ASB3: variants seen among roughly 807,000 people sequenced by gnomAD.
ASB3 encodes ankyrin repeat and SOCS box containing 3.
Under a neutral mutation model 54.5 loss-of-function variants are expected in ASB3, and 41 were observed. That is an observed-to-expected ratio of 0.75 (90% CI 0.59 to 0.98). ASB3 has a LOEUF of 0.98. ASB3 is among the 50% of genes least tolerant of loss of function. The pLI is 0.00. For synonymous variants in ASB3, 266 were observed against 221.2 expected (o/e 1.20, Z -1.80); for missense variants, 733 against 620.0 (o/e 1.18, Z -1.94).
rs1403440053 is a variant in ASB3, at chr2:53,716,641, G to A, written c.707C>T (p.Ala236Val). 6.2e-7 allele frequency: 1 copy of A among 1,614,172 alleles called. No homozygotes were observed. Among genetic ancestry groups the A allele is most frequent in the South Asian group, 1.1e-5 (1 of 91,080 alleles). The part of the protein sequence containing the change: ...KCVELLLSSG[A>V]DPDLYCNEDS... The stretch of plus-strand genomic sequence containing the variant: ...CTCATTACAGTAAAGATCAGGATCT[G>A]CCCCACTGGAGAGCAAAAGCTCCAC... Residue 236 changes from alanine to valine, a missense_variant, in exon 6 of 10, where the codon GCA (alanine) becomes GTA (valine). By Grantham distance (64) the Ala-to-Val change is moderately conservative. Coordinates refer to ENST00000263634, the MANE Select transcript of ASB3 (RefSeq NM_016115.5).
chr2:53,692,485 A>G (rs537611257), intron 9 of ASB3, among the ~76,000 whole-genome samples: 1 of 152,298 alleles, frequency 6.6e-6, no homozygotes, highest in South Asian at 2.1e-4. Context: ...ATCTTCAGCC[A>G]AAATAAAAAT....
chr2:53,741,367 T>G (rs562126588), intron 3 of ASB3, among the ~76,000 whole-genome samples: 1 of 152,342 alleles, frequency 6.6e-6, no homozygotes, highest in African/African-American at 2.4e-5. Flanking sequence ...TGGCTGTCAA[T>G]GTGCAAATTG....
chr2:53,759,595 C>T (rs764010574), intron 2 of ASB3, among the ~76,000 whole-genome samples: 76 of 152,224 alleles, frequency 5.0e-4, no homozygotes, highest in Non-Finnish European at 1.0e-3. Flanking sequence ...AAAAAGGCCA[C>T]CACTTTAGTC....
In ASB3 at chr2:53,767,990, G is replaced by A. The variant is rs752503321; in HGVS notation, c.-13-2405C>T. On this transcript the variant is annotated intron_variant, in intron 1 of 9. Coordinates refer to ENST00000263634, the MANE Select transcript of ASB3 (RefSeq NM_016115.5). ...AACTACAGCAGGCGCTTCTGGCAGG[G>A]CAGCACGGACCACCGCGGGGTCCCC... 4 of 1,611,524 alleles carry A rather than the reference G, an allele frequency of 2.5e-6. No individual in the cohort carries two copies. The East Asian group carries it at 6.7e-5, about 27-fold the overall frequency.
intron 5 of ASB3, among the ~76,000 whole-genome samples, chr2:53,717,479 A>C (rs534756865): frequency 6.6e-6 from 1 of 152,332 alleles, no homozygotes; most frequent in East Asian, 1.9e-4. Context: ...TTGATATTTA[A>C]AATCATAAAT....
At chr2:53,762,541 C>T (rs1475021133) in intron 2 of ASB3, among the ~76,000 whole-genome samples, 1 of 152,162 alleles carries the variant, frequency 6.6e-6, no homozygotes, top group Non-Finnish European at 1.5e-5. Context: ...ATAAAAAATA[C>T]TATGAGCTAG....
At chr2:53,773,423 T>C (rs1194102756) in intron 1 of ASB3, among the ~76,000 whole-genome samples, 2 of 151,666 alleles carry the variant, frequency 1.3e-5, no homozygotes, top group South Asian at 2.1e-4. Context: ...AAAAACTGTA[T>C]TGACTTTTAT....
intron 1 of ASB3, chr2:53,774,292 C>T: frequency 1.2e-6 from 2 of 1,614,104 alleles, no homozygotes; most frequent in South Asian, 1.1e-5. Flanking sequence ...CAGTGTATTG[C>T]TATATATTGG....
intron 9 of ASB3, among the ~76,000 whole-genome samples, chr2:53,679,430 G>A (rs1055605082): frequency 1.3e-5 from 2 of 151,464 alleles, no homozygotes; most frequent in South Asian, 4.2e-4. Context: ...TTTTTTCTGA[G>A]CTTCCAATCC....
rs964615827 is a variant in ASB3 at position 53,786,953 on chromosome 2, C to T, written c.-146G>A. 20 of 445,144 alleles carry T rather than the reference C, an allele frequency of 4.5e-5. No homozygotes were observed. Among genetic ancestry groups the T allele is most frequent in the African/African-American group, 3.8e-4 (19 of 49,948 alleles). 27.6% of individuals were successfully genotyped at this position (445,144 alleles called of 1,614,324 possible). A position where few individuals can be genotyped will look rare whatever the true frequency, so the allele number is the denominator to read the frequency against. ...CCGAAAACGAGAGACGCGCAGGCGA[C>T]GTCCCGGCCCCCGTAGGCGGACGGC... On this transcript the variant is annotated 5_prime_UTR_variant, in exon 1 of 10. Coordinates refer to ENST00000263634, the MANE Select transcript of ASB3 (RefSeq NM_016115.5).
chr2:53,760,286 C>T (rs1198956323), intron 2 of ASB3, among the ~76,000 whole-genome samples: 1 of 152,146 alleles, frequency 6.6e-6, no homozygotes, highest in Non-Finnish European at 1.5e-5. Context: ...TCCTAACTTC[C>T]GAGGGAATAC....
chr2:53,738,351 A>G (rs189315948), intron 3 of ASB3, among the ~76,000 whole-genome samples: 5 of 152,352 alleles, frequency 3.3e-5, no homozygotes, highest in Admixed American at 3.3e-4. Flanking sequence ...GGATGTATGA[A>G]GAACTGCACT....
At chr2:53,722,334 G>GC (rs1200477019) in intron 5 of ASB3, among the ~76,000 whole-genome samples, 1 of 152,096 alleles carries the variant, frequency 6.6e-6, no homozygotes, top group Non-Finnish European at 1.5e-5. Flanking sequence ...TACAAAGCCA[G>GC]CATCACCCTA....
At chr2:53,745,817 G>A (rs1193979136) in intron 3 of ASB3, among the ~76,000 whole-genome samples, 1 of 152,156 alleles carries the variant, frequency 6.6e-6, no homozygotes. Context: ...CTCTACAGAT[G>A]GGAAAGGAAG....
At chr2:53,686,998 G>A (rs1284871985) in intron 9 of ASB3, among the ~76,000 whole-genome samples, 8 of 152,186 alleles carry the variant, frequency 5.3e-5, no homozygotes, top group African/African-American at 1.9e-4. Context: ...GGGATTACAG[G>A]CATGAGCCAT....
rs138364930 is a variant in ASB3 at position 53,689,082 on chromosome 2, T to G, written c.1369+4802A>C. On this transcript the variant is annotated intron_variant, in intron 9 of 9. Transcript: ENST00000263634. Reference sequence around the variant, plus strand: ...ATATGTCATAAATCCTTTATTTCCATGAAATTTTAAAGAGGGTCTAGTGCT... The same window carrying G: ...ATATGTCATAAATCCTTTATTTCCAGGAAATTTTAAAGAGGGTCTAGTGCT... Among the ~76,000 whole-genome samples, 51 of 152,100 alleles carry G rather than the reference T, an allele frequency of 3.4e-4. No individual in the cohort carries two copies. In the East Asian group the frequency reaches 7.3e-3, roughly 22 times the overall value.
chr2:53,717,146 A>G (rs1001561089), intron 5 of ASB3, among the ~76,000 whole-genome samples: 5 of 152,236 alleles, frequency 3.3e-5, no homozygotes, highest in Non-Finnish European at 7.3e-5. Flanking sequence ...AATCCTATTC[A>G]ATGAAGGATA....
chr2:53,718,211 C>T (rs541450861), intron 5 of ASB3, among the ~76,000 whole-genome samples: 53 of 152,186 alleles, frequency 3.5e-4, no homozygotes, highest in African/African-American at 1.2e-3. Context: ...ACGTGAATAT[C>T]ACCATGGCAT....
chr2:53,732,437 A>G (rs530098379), intron 3 of ASB3, among the ~76,000 whole-genome samples: 1 of 152,348 alleles, frequency 6.6e-6, no homozygotes, highest in South Asian at 2.1e-4. Flanking sequence ...AGTGACTGTT[A>G]GCAAAAATCA....
Sources: allele counts gnomAD v4.1 joint callset (sites outside exome capture counted in the v4.1 genomes callset), GRCh38; gene constraint gnomAD v4.1.1; transcripts MANE v1.5; gene names NCBI Gene and HGNC (gene_info 2026-07-23, HGNC 2026-07-21).